The following ADAMTSL1 variants were observed in gnomAD, a reference collection of about 807,000 sequenced individuals.
ADAMTSL1 encodes the protein ADAMTS-like protein 1.
In ADAMTSL1, 126 loss-of-function variants were observed where a neutral mutation model predicts 201.8. The ratio of observed to expected loss-of-function variants is 0.62; its 90% CI spans 0.54 to 0.72. The LOEUF (loss-of-function observed/expected upper bound fraction) is 0.72. ADAMTSL1 is among the 30% of genes least tolerant of loss of function. The probability of loss-of-function intolerance (pLI) is 0.00; values close to 1 mark genes in which losing one functional copy is unlikely to be tolerated. For missense variants in ADAMTSL1, 2,679 were observed against 2,277.8 expected (o/e 1.18, Z -3.59); for synonymous variants, 1,121 against 903.4 (o/e 1.24, Z -4.32).
intron 23 of ADAMTSL1, among the ~76,000 whole-genome samples, chr9:18,853,889 C>CTGTG (rs71333070): frequency 0.23 from 27,894 of 120,092 alleles, 2,783 homozygotes; most frequent in Admixed American, 0.33. Context: ...TATTCACTCT[C>CTGTG]TGTGTGTGTG....
At chr9:18,590,553 T>C (rs887877813) in intron 4 of ADAMTSL1, among the ~76,000 whole-genome samples, 5 of 152,096 alleles carry the variant, frequency 3.3e-5, no homozygotes, top group Non-Finnish European at 7.4e-5. Flanking sequence ...TTTCTGCTAC[T>C]AATTTAGGGT....
intron 5 of ADAMTSL1, among the ~76,000 whole-genome samples, chr9:18,633,331 C>T (rs1826894593): frequency 6.6e-6 from 1 of 151,978 alleles, no homozygotes; most frequent in South Asian, 2.1e-4. Flanking sequence ...GTGGCTCACT[C>T]CAGTAATCCC....
chr9:18,157,919 C>G (rs981301435), intron 1 of ADAMTSL1, among the ~76,000 whole-genome samples: 3 of 152,132 alleles, frequency 2.0e-5, no homozygotes, highest in South Asian at 2.1e-4. Flanking sequence ...TTCCCCCAGA[C>G]AAGCCTGATA....
At chr9:18,845,231 C>A (rs868830814) in intron 23 of ADAMTSL1, among the ~76,000 whole-genome samples, 2 of 152,244 alleles carry the variant, frequency 1.3e-5, no homozygotes, top group Non-Finnish European at 2.9e-5. Flanking sequence ...CCCATGCCTC[C>A]TTCAGAGGAA....
At chr9:18,132,276 A>C (rs971922888) in intron 1 of ADAMTSL1, among the ~76,000 whole-genome samples, 36 of 152,248 alleles carry the variant, frequency 2.4e-4, no homozygotes, top group African/African-American at 7.7e-4. Context: ...CCCATATGCC[A>C]TATTTTAATT....
At chr9:18,227,757 A>G (rs759102430) in intron 2 of ADAMTSL1, among the ~76,000 whole-genome samples, 5 of 151,802 alleles carry the variant, frequency 3.3e-5, no homozygotes, top group Non-Finnish European at 5.9e-5. Context: ...TATCTCCTCA[A>G]CTCCCCTAGT....
At chr9:18,188,544 C>T (rs1006798082) in intron 2 of ADAMTSL1, among the ~76,000 whole-genome samples, 2 of 152,044 alleles carry the variant, frequency 1.3e-5, no homozygotes, top group African/African-American at 4.8e-5. Context: ...GTGAAAATCA[C>T]TGGAAGACAA....
intron 1 of ADAMTSL1, among the ~76,000 whole-genome samples, chr9:18,035,029 C>G (rs1821131782): frequency 6.6e-6 from 1 of 152,136 alleles, no homozygotes; most frequent in South Asian, 2.1e-4. Context: ...TCCCAACTGT[C>G]TCTTGGTTCA....
intron 1 of ADAMTSL1, among the ~76,000 whole-genome samples, chr9:18,476,761 T>C (rs1821475667): frequency 6.6e-6 from 1 of 152,182 alleles, no homozygotes; most frequent in African/African-American, 2.4e-5. Context: ...TCTCTGTAAC[T>C]TAATTGGAAA....
chr9:18,898,652 G>T (rs1002273183), intron 26 of ADAMTSL1, among the ~76,000 whole-genome samples: 2 of 152,178 alleles, frequency 1.3e-5, no homozygotes, highest in Non-Finnish European at 2.9e-5. Flanking sequence ...TGGGATATAA[G>T]GTTGGGTCAA....
At chr9:18,058,284 G>A (rs937911987) in intron 1 of ADAMTSL1, among the ~76,000 whole-genome samples, 1 of 152,140 alleles carries the variant, frequency 6.6e-6, no homozygotes, top group Non-Finnish European at 1.5e-5. Flanking sequence ...AGAGTGTTCT[G>A]CCAGATGCTA....
At chr9:18,627,592 C>T (rs1308571972) in intron 5 of ADAMTSL1, among the ~76,000 whole-genome samples, 1 of 152,144 alleles carries the variant, frequency 6.6e-6, no homozygotes, top group African/African-American at 2.4e-5. Context: ...GCTCCTGGAG[C>T]CTATGCACAT....
At chr9:18,671,975 T>C (rs1480589496) in intron 9 of ADAMTSL1, among the ~76,000 whole-genome samples, 3 of 151,964 alleles carry the variant, frequency 2.0e-5, no homozygotes. Flanking sequence ...AGGAGGAGTT[T>C]GCAGTGAGCC....
intron 20 of ADAMTSL1, among the ~76,000 whole-genome samples, chr9:18,812,106 T>C (rs1823541066): frequency 6.6e-6 from 1 of 152,160 alleles, no homozygotes; most frequent in Admixed American, 6.6e-5. Context: ...TATTCTAAAA[T>C]GTATATGAAA....
At chr9:18,859,292 T>C (rs910906464) in intron 23 of ADAMTSL1, among the ~76,000 whole-genome samples, 4 of 152,216 alleles carry the variant, frequency 2.6e-5, no homozygotes, top group African/African-American at 9.6e-5. Flanking sequence ...ATCCCTTGGC[T>C]GTGGCCCTTC....
chr9:18,017,049 G>A (rs1052146293), intron 1 of ADAMTSL1, among the ~76,000 whole-genome samples: 2 of 152,024 alleles, frequency 1.3e-5, no homozygotes, highest in Admixed American at 1.3e-4. Flanking sequence ...GCTGAGCACA[G>A]GCATGGACTC....
At chr9:18,156,999 T>A (rs1827185498) in intron 1 of ADAMTSL1, among the ~76,000 whole-genome samples, 1 of 152,050 alleles carries the variant, frequency 6.6e-6, no homozygotes, top group South Asian at 2.1e-4. Context: ...ATCTTATATA[T>A]GTCAAGGAAG....
At chr9:18,443,713 A>G (rs1462705181) in intron 2 of ADAMTSL1, among the ~76,000 whole-genome samples, 1 of 152,168 alleles carries the variant, frequency 6.6e-6, no homozygotes, top group African/African-American at 2.4e-5. Flanking sequence ...TTTCTCCCCA[A>G]AGATATGGAG....
chr9:18,654,666 A>T (rs1828510288), intron 7 of ADAMTSL1, among the ~76,000 whole-genome samples: 1 of 151,676 alleles, frequency 6.6e-6, no homozygotes, highest in Non-Finnish European at 1.5e-5. Context: ...TTTCAAGCCC[A>T]AACAAAAGCA....
Sources: gnomAD v4.1 joint callset for allele counts (sites outside exome capture counted in the v4.1 genomes callset) on GRCh38, gnomAD v4.1.1 for gene constraint, MANE v1.5 for transcripts, NCBI Gene and HGNC (gene_info 2026-07-23, HGNC 2026-07-21) for gene names.